Variants in EPM2A observed in about 807,000 individuals in gnomAD.
EPM2A encodes laforin.
A neutral mutation model predicts 26.5 loss-of-function variants in EPM2A; 21 were observed. The ratio of observed to expected loss-of-function variants is 0.79; its 90% CI spans 0.56 to 1.14. EPM2A has a LOEUF of 1.14. EPM2A is among the 50% of genes most tolerant of loss of function. The probability of loss-of-function intolerance (pLI) is 0.00; values close to 1 mark genes in which losing one functional copy is unlikely to be tolerated. For synonymous variants in EPM2A, 217 were observed against 177.6 expected (o/e 1.22, Z -1.76); for missense variants, 458 against 440.8 (o/e 1.04, Z -0.35).
chr6:145,679,389 C>G (rs1780328358), intron 2 of EPM2A, among the ~76,000 whole-genome samples: 1 of 150,684 alleles, frequency 6.6e-6, no homozygotes. Context: ...GAACATGTAC[C>G]CTAGAACTTA....
chr6:145,532,474 C>T (rs538280787), intron 2 of EPM2A, among the ~76,000 whole-genome samples: 6 of 152,242 alleles, frequency 3.9e-5, no homozygotes, highest in South Asian at 2.1e-4. Flanking sequence ...TGATCATTCA[C>T]GGGCATGATG....
At chr6:145,563,464 C>G (rs1001255016) in intron 2 of EPM2A, among the ~76,000 whole-genome samples, 2 of 151,564 alleles carry the variant, frequency 1.3e-5, no homozygotes, top group African/African-American at 4.9e-5. Flanking sequence ...GAGGAAGATG[C>G]GGTTAGAGAG....
At chr6:145,645,519 A>C (rs1359404361) in intron 2 of EPM2A, among the ~76,000 whole-genome samples, 1 of 152,042 alleles carries the variant, frequency 6.6e-6, no homozygotes, top group Non-Finnish European at 1.5e-5. Context: ...TGCCCATGCT[A>C]ATGTCGAACT....
intron 2 of EPM2A, chr6:145,641,260 A>G (rs2128568738): frequency 6.6e-6 from 1 of 152,334 alleles, no homozygotes; most frequent in Admixed American, 6.5e-5. Flanking sequence ...GGGTCTCTAC[A>G]GAGGTGATCA....
chr6:145,706,052 C>A, intron 1 of EPM2A: 1 of 425,558 alleles, frequency 2.3e-6, no homozygotes, highest in Non-Finnish European at 4.7e-6. Context: ...TTCAGATATT[C>A]AAGATGCAAA....
intron 2 of EPM2A, among the ~76,000 whole-genome samples, chr6:145,535,362 A>G (rs1450227277): frequency 6.6e-6 from 1 of 152,250 alleles, no homozygotes; most frequent in African/African-American, 2.4e-5. Flanking sequence ...GTGTTTTTCA[A>G]CACTCTGCAC....
chr6:145,688,922 T>C (rs906640222), intron 1 of EPM2A, among the ~76,000 whole-genome samples: 2 of 152,196 alleles, frequency 1.3e-5, no homozygotes, highest in African/African-American at 2.4e-5. Context: ...TTTGAATTGA[T>C]TGGATTAGTT....
chr6:145,718,366 G>A lies in EPM2A; in HGVS notation c.301+16832C>T, dbSNP rs868659845. Reference sequence around the variant, plus strand: ...CAAACCTGAGAAAAACAAGCAATGGGGAAAGGATTCCCTATTTAATAAATG... The same window carrying A: ...CAAACCTGAGAAAAACAAGCAATGGAGAAAGGATTCCCTATTTAATAAATG... On this transcript the variant is annotated intron_variant, in intron 1 of 3. Transcript: ENST00000367519. Among the ~76,000 whole-genome samples the A allele has an allele frequency of 3.4e-3, 503 of 149,098 alleles. 2 individuals carry two copies. The highest frequency in any genetic ancestry group is 0.011 in the African/African-American group (424 of 40,316).
chr6:145,491,475 G>A (rs1298746492), intron 4 of EPM2A, among the ~76,000 whole-genome samples: 1 of 152,146 alleles, frequency 6.6e-6, no homozygotes, highest in Admixed American at 6.5e-5. Flanking sequence ...CCGTCCCTTT[G>A]AAGTCAAGCT....
intron 4 of EPM2A, chr6:145,491,106 G>A: frequency 1.6e-6 from 1 of 622,954 alleles, no homozygotes. Flanking sequence ...CCTTTTATTT[G>A]GCCACCTTTT....
chr6:145,415,553 A>C (rs1778697026), intron 4 of EPM2A, among the ~76,000 whole-genome samples: 1 of 152,156 alleles, frequency 6.6e-6, no homozygotes, highest in African/African-American at 2.4e-5. Flanking sequence ...TGTTGAGTGA[A>C]GAATCAGGTT....
chr6:145,442,865 ATTT>A (rs35175914), intron 4 of EPM2A, among the ~76,000 whole-genome samples: 1 of 147,282 alleles, frequency 6.8e-6, no homozygotes. Flanking sequence ...CTTTCTTACT[ATTT>A]TTTTTTTTTT....
intron 2 of EPM2A, among the ~76,000 whole-genome samples, chr6:145,506,199 T>C (rs1386136615): frequency 6.6e-6 from 1 of 152,242 alleles, no homozygotes; most frequent in Non-Finnish European, 1.5e-5. Context: ...CAGAATATGG[T>C]GTATAATGTT....
At chr6:145,542,926 T>C (rs552837221) in intron 2 of EPM2A, among the ~76,000 whole-genome samples, 1 of 152,154 alleles carries the variant, frequency 6.6e-6, no homozygotes, top group South Asian at 2.1e-4. Context: ...TCCCAGCTAA[T>C]TGTTGTATTT....
chr6:145,726,064 T>C (rs529248083), intron 1 of EPM2A, among the ~76,000 whole-genome samples: 3 of 152,084 alleles, frequency 2.0e-5, no homozygotes, highest in Non-Finnish European at 4.4e-5. Context: ...TGGAGAAATG[T>C]CCAATTTTAG....
At chr6:145,491,109 C>T (rs563012721) in intron 4 of EPM2A, 1 of 613,970 alleles carries the variant, frequency 1.6e-6, no homozygotes, top group Non-Finnish European at 3.1e-6. Flanking sequence ...TTTATTTGGC[C>T]ACCTTTTTTC....
intron 1 of EPM2A, among the ~76,000 whole-genome samples, chr6:145,711,506 C>T (rs1390729750): frequency 1.3e-5 from 2 of 152,122 alleles, no homozygotes; most frequent in African/African-American, 4.8e-5. Flanking sequence ...AGAGGATATA[C>T]AGGTCTGGAG....
At chr6:145,575,693 G>A (rs745802056) in intron 2 of EPM2A, among the ~76,000 whole-genome samples, 2 of 152,204 alleles carry the variant, frequency 1.3e-5, no homozygotes, top group Non-Finnish European at 2.9e-5. Context: ...TGAAACAGGA[G>A]TGTCAAATGC....
chr6:145,628,404 G>A (rs972120206), intron 3 of EPM2A: 3 of 152,838 alleles, frequency 2.0e-5, no homozygotes, highest in Non-Finnish European at 2.9e-5. Flanking sequence ...GACACGTTAT[G>A]CCCTGCTGAG....
Sources: allele counts gnomAD v4.1 joint callset (sites outside exome capture counted in the v4.1 genomes callset), GRCh38; gene constraint gnomAD v4.1.1; transcripts MANE v1.5; gene names NCBI Gene and HGNC (gene_info 2026-07-23, HGNC 2026-07-21).